ATE1: variants seen among roughly 807,000 people sequenced by gnomAD.
ATE1 encodes arginyltransferase 1.
Under a neutral mutation model 70.5 loss-of-function variants are expected in ATE1, and 36 were observed. That is an observed-to-expected ratio of 0.51 (90% CI 0.39 to 0.67). ATE1 has a LOEUF of 0.67. Among genes scored for constraint, ATE1 ranks in the 30% least tolerant of loss-of-function variants. ATE1 has a pLI of 0.00. For synonymous variants in ATE1, 232 were observed against 219.3 expected (o/e 1.06, Z -0.51); for missense variants, 593 against 629.5 (o/e 0.94, Z 0.62).
intron 10 of ATE1, among the ~76,000 whole-genome samples, chr10:121,791,020 GTGTATATA>G (rs1239992611): frequency 7.3e-5 from 11 of 150,228 alleles, no homozygotes; most frequent in East Asian, 1.9e-4. Flanking sequence ...GTATACATGT[GTGTATATA>G]TGTATATATG....
At chr10:121,857,590 C>T (rs1414851447) in intron 8 of ATE1, among the ~76,000 whole-genome samples, 1 of 152,162 alleles carries the variant, frequency 6.6e-6, no homozygotes, top group African/African-American at 2.4e-5. Context: ...CCAGCAATCC[C>T]ATTATTGGGC....
At chr10:121,774,619 A>C (rs1452424744) in intron 11 of ATE1, among the ~76,000 whole-genome samples, 1 of 152,192 alleles carries the variant, frequency 6.6e-6, no homozygotes, top group Admixed American at 6.5e-5. Flanking sequence ...CGTTCATTAC[A>C]TTCTTTCTTA....
rs1944127826 is a variant in ATE1, at chr10:121,740,888, A to G, written c.*2792T>C. On this transcript the variant is annotated 3_prime_UTR_variant, in exon 12 of 12. Transcript: ENST00000224652. ...ATCAAATGTACAACATATTTATCTGATATCATCTATCTTTTAGAATACAAA... is the reference window on the plus strand; with the variant it reads ...ATCAAATGTACAACATATTTATCTGGTATCATCTATCTTTTAGAATACAAA... The G allele has an allele frequency of 6.6e-6, 1 of 152,226 alleles. No individual in the cohort carries two copies. The highest frequency in any genetic ancestry group is 1.5e-5 in the Non-Finnish European group (1 of 68,036). The allele number at this position is 152,226 out of a possible 1,614,324, so 9.4% of individuals were successfully genotyped here.
intron 11 of ATE1, among the ~76,000 whole-genome samples, chr10:121,777,736 T>C (rs1247328201): frequency 6.6e-6 from 1 of 152,246 alleles, no homozygotes; most frequent in Admixed American, 6.5e-5. Flanking sequence ...GGAAATACTA[T>C]GTAAATAACT....
intron 8 of ATE1, among the ~76,000 whole-genome samples, chr10:121,864,210 T>C (rs1023576078): frequency 2.6e-5 from 4 of 152,184 alleles, no homozygotes; most frequent in African/African-American, 9.7e-5. Flanking sequence ...GGAAGACAAT[T>C]TTTCTACAGA....
At chr10:121,899,752 C>T (rs1950907241) in intron 7 of ATE1, 114 bp downstream of exon 7, 3 of 1,452,740 alleles carry the variant, frequency 2.1e-6, no homozygotes, top group Middle Eastern at 1.9e-4. Context: ...TGCAGATATG[C>T]TGCAAATTGA....
intron 5 of ATE1, among the ~76,000 whole-genome samples, chr10:121,906,914 T>G (rs1168931844): frequency 6.6e-6 from 1 of 152,186 alleles, no homozygotes; most frequent in Non-Finnish European, 1.5e-5. Context: ...CAAGGATTTT[T>G]AAATAGTCTC....
At chr10:121,819,588 T>TC (rs1242351089) in intron 10 of ATE1, among the ~76,000 whole-genome samples, 1 of 140,900 alleles carries the variant, frequency 7.1e-6, no homozygotes, top group East Asian at 2.2e-4. Flanking sequence ...GTGCCTGTAG[T>TC]CCCAGCTACT....
chr10:121,798,028 G>A (rs1002037103), intron 10 of ATE1, among the ~76,000 whole-genome samples: 1 of 152,142 alleles, frequency 6.6e-6, no homozygotes, highest in Non-Finnish European at 1.5e-5. Flanking sequence ...AATGAACAAC[G>A]ACCATAGTAC....
At chr10:121,851,498 C>T (rs925193991) in intron 8 of ATE1, among the ~76,000 whole-genome samples, 2 of 152,256 alleles carry the variant, frequency 1.3e-5, no homozygotes, top group African/African-American at 4.8e-5. Flanking sequence ...TCAGTCTCAA[C>T]TGTCATTAGT....
intron 1 of ATE1, among the ~76,000 whole-genome samples, chr10:121,924,656 C>CG (rs1386854381): frequency 1.0e-4 from 15 of 149,060 alleles, no homozygotes; most frequent in Admixed American, 2.0e-4. Flanking sequence ...GCCAAGATCA[C>CG]GCCACTGCAC....
At chr10:121,836,570 G>A (rs1948440763) in intron 10 of ATE1, 148 bp downstream of exon 10, 1 of 540,904 alleles carries the variant, frequency 1.8e-6, no homozygotes, top group Non-Finnish European at 3.2e-6. Context: ...TCATTACAGA[G>A]AGCTTAATTT....
intron 11 of ATE1, among the ~76,000 whole-genome samples, chr10:121,753,885 A>T (rs1237830283): frequency 6.6e-6 from 1 of 152,214 alleles, no homozygotes; most frequent in Non-Finnish European, 1.5e-5. Context: ...CCAAAGAGAC[A>T]TTTGTGAGTT....
At chr10:121,746,757 CAA>C (rs11318828) in intron 11 of ATE1, among the ~76,000 whole-genome samples, 151 of 146,932 alleles carry the variant, frequency 1.0e-3, no homozygotes, top group East Asian at 1.8e-3. Context: ...GTAATTGTAG[CAA>C]AAAAAAAAAA....
chr10:121,799,172 A>ACAAGGC (rs750242096), intron 10 of ATE1, among the ~76,000 whole-genome samples: 2 of 152,168 alleles, frequency 1.3e-5, no homozygotes, highest in Non-Finnish European at 2.9e-5. Context: ...TGAGGTGCTC[A>ACAAGGC]TTCTCTGCTG....
At chr10:121,856,528 T>C (rs892574318) in intron 8 of ATE1, among the ~76,000 whole-genome samples, 2 of 152,138 alleles carry the variant, frequency 1.3e-5, no homozygotes, top group African/African-American at 4.8e-5. Context: ...AGAATCTGTC[T>C]CAAAAAGATA....
chr10:121,754,155 T>C (rs1390558127), intron 11 of ATE1, among the ~76,000 whole-genome samples: 1 of 152,198 alleles, frequency 6.6e-6, no homozygotes, highest in African/African-American at 2.4e-5. Flanking sequence ...TAAACGTATG[T>C]GTATAAACTC....
At chr10:121,927,783 A>ACCCTGGGATC in intron 1 of ATE1, 61 bp downstream of exon 1, 1 of 1,503,322 alleles carries the variant, frequency 6.7e-7, no homozygotes, top group Non-Finnish European at 8.9e-7. Context: ...TCGCTGGGGG[A>ACCCTGGGATC]CCCTGGGATC....
chr10:121,746,241 T>C (rs539353121), intron 11 of ATE1, among the ~76,000 whole-genome samples: 1 of 152,294 alleles, frequency 6.6e-6, no homozygotes, highest in South Asian at 2.1e-4. Flanking sequence ...CCCTTTCCAT[T>C]AGGAATAAAG....
Sources: allele counts gnomAD v4.1 joint callset (sites outside exome capture counted in the v4.1 genomes callset), GRCh38; gene constraint gnomAD v4.1.1; transcripts MANE v1.5; gene names NCBI Gene and HGNC (gene_info 2026-07-23, HGNC 2026-07-21).